The following SEC63 variants were observed in gnomAD, a reference collection of about 807,000 sequenced individuals.
SEC63 encodes the protein translocation protein SEC63 homolog.
A neutral mutation model predicts 116.2 loss-of-function variants in SEC63; 56 were observed. The observed-to-expected ratio is 0.48, with a 90% CI of 0.39 to 0.60. SEC63 has a LOEUF of 0.60. SEC63 is among the 20% of genes least tolerant of loss of function. The probability of loss-of-function intolerance (pLI) is 0.00; values close to 1 mark genes in which losing one functional copy is unlikely to be tolerated. For missense variants in SEC63, 668 were observed against 900.0 expected, an observed-to-expected ratio of 0.74 and a Z score of 3.30; for synonymous variants, 273 against 294.6, an observed-to-expected ratio of 0.93 and a Z score of 0.75.
chr6:107,878,410 T>C (rs927524101), intron 18 of SEC63, among the ~76,000 whole-genome samples: 7 of 152,244 alleles, frequency 4.6e-5, no homozygotes, highest in African/African-American at 1.7e-4. Flanking sequence ...TTAAGTCATT[T>C]TGACATTTGT....
chr6:107,930,467 C>T (rs1438846590), intron 1 of SEC63, among the ~76,000 whole-genome samples: 6 of 151,606 alleles, frequency 4.0e-5, no homozygotes, highest in Non-Finnish European at 8.8e-5. Flanking sequence ...ATTAGCCAGG[C>T]GTGGTGGTGC....
intron 1 of SEC63, among the ~76,000 whole-genome samples, chr6:107,951,739 T>C (rs1389514759): frequency 6.6e-6 from 1 of 151,622 alleles, no homozygotes; most frequent in Non-Finnish European, 1.5e-5. Context: ...ATCCCAGCAC[T>C]TTGGGAGGCT....
intron 1 of SEC63, among the ~76,000 whole-genome samples, chr6:107,950,441 G>A (rs1048639082): frequency 6.6e-6 from 1 of 152,032 alleles, no homozygotes; most frequent in African/African-American, 2.4e-5. Flanking sequence ...CATATACAAC[G>A]CTCACTACCC....
intron 2 of SEC63, among the ~76,000 whole-genome samples, chr6:107,927,255 A>G (rs999262284): frequency 6.6e-6 from 1 of 151,994 alleles, no homozygotes; most frequent in Non-Finnish European, 1.5e-5. Context: ...TAGTAGAGAC[A>G]GGGTTTCACT....
At chr6:107,908,305 G>A (rs1787189598) in intron 8 of SEC63, among the ~76,000 whole-genome samples, 1 of 151,018 alleles carries the variant, frequency 6.6e-6, no homozygotes, top group African/African-American at 2.4e-5. Context: ...TGCAAAGTTT[G>A]CTTTATATAA....
intron 7 of SEC63, among the ~76,000 whole-genome samples, chr6:107,910,924 T>C (rs1222338163): frequency 6.6e-6 from 1 of 152,100 alleles, no homozygotes; most frequent in Non-Finnish European, 1.5e-5. Flanking sequence ...TTCACCATGT[T>C]GGTCTCAAAC....
rs141214306 is a variant in SEC63 at position 107,902,445 on chromosome 6, T to C, written c.1209+399A>G. On this transcript the variant is annotated intron_variant, in intron 12 of 20. Coordinates refer to ENST00000369002, the MANE Select transcript of SEC63 (RefSeq NM_007214.5). ...TATCATGTTTATACTATAGATTATA[T>C]ATTCTAAATAAGAACTGTCTTTATT... Among the ~76,000 whole-genome samples the C allele has an allele frequency of 1.9e-3, 283 of 152,298 alleles. 1 individual carries two copies. The highest frequency in any genetic ancestry group is 6.2e-3 in the African/African-American group (256 of 41,582).
At chr6:107,880,882 T>C (rs1786399498) in intron 18 of SEC63, 1 of 394,628 alleles carries the variant, frequency 2.5e-6, no homozygotes, top group Non-Finnish European at 4.7e-6. Flanking sequence ...CCATTACACA[T>C]AACACTCAGT....
intron 8 of SEC63, among the ~76,000 whole-genome samples, chr6:107,907,584 GA>G (rs538849342): frequency 4.6e-5 from 7 of 151,352 alleles, no homozygotes; most frequent in African/African-American, 1.7e-4. Context: ...TTGCCTCAGA[GA>G]AAAAAAAATC....
At chr6:107,882,518 G>A (rs1320172948) in intron 17 of SEC63, among the ~76,000 whole-genome samples, 1 of 152,114 alleles carries the variant, frequency 6.6e-6, no homozygotes, top group Non-Finnish European at 1.5e-5. Flanking sequence ...AAACAAGGTG[G>A]TATTCTATAA....
intron 1 of SEC63, among the ~76,000 whole-genome samples, chr6:107,944,526 G>A (rs1411486521): frequency 4.6e-5 from 7 of 151,956 alleles, no homozygotes; most frequent in East Asian, 1.9e-4. Context: ...GGTGAAACCC[G>A]TCTGTACTAA....
rs930732831 is a variant in SEC63 at position 107,910,829 on chromosome 6, C to T, written c.624+517G>A. Among the ~76,000 whole-genome samples the T allele has an allele frequency of 5.3e-5, 8 of 151,738 alleles. No homozygotes were observed. The South Asian group carries it at 1.5e-3, about 28-fold the overall frequency. On this transcript the variant is annotated intron_variant, in intron 7 of 20. Coordinates refer to ENST00000369002, the MANE Select transcript of SEC63 (RefSeq NM_007214.5). ...TGTCACCCAGGCTGGAGTGTAGTGGCACAATCTCGGCTCATTGCAACCTCT... is the reference window on the plus strand; with the variant it reads ...TGTCACCCAGGCTGGAGTGTAGTGGTACAATCTCGGCTCATTGCAACCTCT...
intron 1 of SEC63, among the ~76,000 whole-genome samples, chr6:107,930,719 G>A (rs1267221718): frequency 6.6e-6 from 1 of 152,104 alleles, no homozygotes; most frequent in Non-Finnish European, 1.5e-5. Context: ...ATGGGGTCAG[G>A]CACCGTGGCT....
intron 1 of SEC63, among the ~76,000 whole-genome samples, chr6:107,951,358 G>A (rs1355570396): frequency 6.6e-6 from 1 of 152,148 alleles, no homozygotes; most frequent in Non-Finnish European, 1.5e-5. Context: ...AAAGTTGTTT[G>A]ACAAAAATAT....
chr6:107,942,748 A>T (rs2114508785), intron 1 of SEC63, among the ~76,000 whole-genome samples: 1 of 152,288 alleles, frequency 6.6e-6, no homozygotes, highest in East Asian at 1.9e-4. Flanking sequence ...GTTGATTAAC[A>T]CATATTTTGT....
chr6:107,917,180 A>G (rs1277886036), intron 4 of SEC63, among the ~76,000 whole-genome samples: 1 of 152,244 alleles, frequency 6.6e-6, no homozygotes, highest in East Asian at 1.9e-4. Context: ...GCAGTTAACT[A>G]GCCCAACCTA....
At chr6:107,924,344 C>A (rs571574351) in intron 3 of SEC63, among the ~76,000 whole-genome samples, 1 of 151,166 alleles carries the variant, frequency 6.6e-6, no homozygotes, top group South Asian at 2.1e-4. Flanking sequence ...TTTGGGAGGC[C>A]GAGGTGGGCA....
intron 16 of SEC63, among the ~76,000 whole-genome samples, chr6:107,887,993 T>C (rs1786575894): frequency 6.6e-6 from 1 of 152,234 alleles, no homozygotes; most frequent in South Asian, 2.1e-4. Flanking sequence ...TTGGTTACTG[T>C]AGCCTTGTAG....
chr6:107,917,059 G>A (rs1416684964), intron 4 of SEC63, among the ~76,000 whole-genome samples: 25 of 152,170 alleles, frequency 1.6e-4, no homozygotes, highest in South Asian at 2.1e-4. Flanking sequence ...TGGGTTTACC[G>A]GAATGAGGGC....
Sources: gnomAD v4.1 joint callset for allele counts (sites outside exome capture counted in the v4.1 genomes callset) on GRCh38, gnomAD v4.1.1 for gene constraint, MANE v1.5 for transcripts, NCBI Gene and HGNC (gene_info 2026-07-23, HGNC 2026-07-21) for gene names.